Variants in C8orf34 observed in about 807,000 individuals in gnomAD.
The protein encoded by C8orf34 is chromosome 8 open reading frame 34, also known as uncharacterized protein C8orf34.
A neutral mutation model predicts 68.3 loss-of-function variants in C8orf34; 65 were observed. The ratio of observed to expected loss-of-function variants is 0.95; its 90% CI spans 0.78 to 1.17. The LOEUF (loss-of-function observed/expected upper bound fraction) is 1.17, where lower values mean the gene tolerates loss of function less well. Among genes scored for constraint, C8orf34 ranks in the 50% most tolerant of loss-of-function variants. The probability of loss-of-function intolerance (pLI) is 0.00; values close to 1 mark genes in which losing one functional copy is unlikely to be tolerated. For synonymous variants in C8orf34, 244 were observed against 241.2 expected (o/e 1.01, Z -0.11); for missense variants, 664 against 655.4 (o/e 1.01, Z -0.14).
chr8:68,679,952 A>G (rs1332363189), intron 8 of C8orf34, among the ~76,000 whole-genome samples: 1 of 152,194 alleles, frequency 6.6e-6, no homozygotes, highest in Non-Finnish European at 1.5e-5. Flanking sequence ...TGATTCAAAT[A>G]TAAGGCCTCA....
At chr8:68,497,932 G>A (rs28735510) in intron 5 of C8orf34, among the ~76,000 whole-genome samples, 56,649 of 151,896 alleles carry the variant, frequency 0.37, 10,805 homozygotes, top group African/African-American at 0.4. Flanking sequence ...GGGTTCAAGC[G>A]ATTTTCCTGC....
intron 1 of C8orf34, among the ~76,000 whole-genome samples, chr8:68,380,459 GAT>G (rs1238552969): frequency 1.3e-5 from 2 of 152,120 alleles, no homozygotes; most frequent in African/African-American, 4.8e-5. Flanking sequence ...TTTTAAAAAA[GAT>G]ATTTTTAGAG....
At chr8:68,813,709 G>T (rs1436395102) in intron 12 of C8orf34, among the ~76,000 whole-genome samples, 4 of 152,086 alleles carry the variant, frequency 2.6e-5, no homozygotes, top group Admixed American at 1.3e-4. Flanking sequence ...CTTTTTTAAG[G>T]CTCCTAACAT....
intron 10 of C8orf34, among the ~76,000 whole-genome samples, chr8:68,737,281 A>T (rs1184796345): frequency 6.6e-6 from 1 of 152,094 alleles, no homozygotes; most frequent in African/African-American, 2.4e-5. Context: ...TTCTGTCCTT[A>T]ATAGAAACCT....
chr8:68,703,791 T>A (rs374396056), intron 8 of C8orf34, among the ~76,000 whole-genome samples: 72 of 152,166 alleles, frequency 4.7e-4, no homozygotes, highest in African/African-American at 1.6e-3. Flanking sequence ...TCCTTTCATG[T>A]TTTATACTCA....
At chr8:68,610,868 T>G (rs905590265) in intron 7 of C8orf34, among the ~76,000 whole-genome samples, 2 of 148,346 alleles carry the variant, frequency 1.3e-5, no homozygotes, top group Admixed American at 6.6e-5. Context: ...TTGGTTTTTT[T>G]TTTTTTTTTT....
At chr8:68,488,987 C>T (rs1367040611) in intron 5 of C8orf34, among the ~76,000 whole-genome samples, 2 of 124,874 alleles carry the variant, frequency 1.6e-5, no homozygotes, top group East Asian at 2.3e-4. Flanking sequence ...AACGAATTTA[C>T]GTTTTTTTTT....
intron 7 of C8orf34, among the ~76,000 whole-genome samples, chr8:68,539,708 G>A (rs543829682): frequency 4.8e-4 from 73 of 152,110 alleles, no homozygotes; most frequent in African/African-American, 1.7e-3. Context: ...CAAAAAATTA[G>A]CCAGGCATGG....
intron 1 of C8orf34, among the ~76,000 whole-genome samples, chr8:68,385,335 T>C (rs540300940): frequency 3.5e-4 from 53 of 152,310 alleles, no homozygotes; most frequent in African/African-American, 1.2e-3. Context: ...CCAGTATTCA[T>C]GCTCTCAATC....
chr8:68,525,488 C>T, intron 6 of C8orf34: 1 of 640,032 alleles, frequency 1.6e-6, no homozygotes, highest in Non-Finnish European at 2.7e-6. Context: ...CCCTCTGAGG[C>T]ATTTTATTTG....
chr8:68,628,875 A>T (rs1818611673), intron 7 of C8orf34, among the ~76,000 whole-genome samples: 1 of 152,138 alleles, frequency 6.6e-6, no homozygotes, highest in Non-Finnish European at 1.5e-5. Context: ...AAATCAAAAC[A>T]CTTTTTTTGT....
chr8:68,597,726 A>G (rs1817588234), intron 7 of C8orf34, among the ~76,000 whole-genome samples: 1 of 152,106 alleles, frequency 6.6e-6, no homozygotes, highest in Admixed American at 6.6e-5. Flanking sequence ...CATGTTTCAG[A>G]TAATACTTTT....
At chr8:68,337,764 G>A (rs1221718442) in intron 1 of C8orf34, among the ~76,000 whole-genome samples, 1 of 152,114 alleles carries the variant, frequency 6.6e-6, no homozygotes, top group Non-Finnish European at 1.5e-5. Context: ...ATGTTTATAC[G>A]AGGAAATGGC....
intron 8 of C8orf34, among the ~76,000 whole-genome samples, chr8:68,661,064 C>T (rs546493934): frequency 4.9e-4 from 75 of 152,226 alleles, no homozygotes; most frequent in African/African-American, 1.6e-3. Flanking sequence ...GCATGTGGTG[C>T]GAGGAGACAG....
At chr8:68,740,480 A>G (rs1021995169) in intron 10 of C8orf34, among the ~76,000 whole-genome samples, 2 of 151,884 alleles carry the variant, frequency 1.3e-5, no homozygotes, top group African/African-American at 2.4e-5. Context: ...TAAGCATACG[A>G]AAAAAAAGCT....
chr8:68,466,743 A>ATATATATATG (rs1471659673), intron 3 of C8orf34, among the ~76,000 whole-genome samples: 3 of 45,064 alleles, frequency 6.7e-5, no homozygotes, highest in African/African-American at 1.7e-4. Context: ...TTGTACATAT[A>ATATATATATG]TATATATATA....
At chr8:68,590,068 G>T (rs1246359239) in intron 7 of C8orf34, among the ~76,000 whole-genome samples, 1 of 146,560 alleles carries the variant, frequency 6.8e-6, no homozygotes, top group African/African-American at 2.5e-5. Flanking sequence ...AACAAGAAAA[G>T]AAAGAAAGGA....
intron 7 of C8orf34, among the ~76,000 whole-genome samples, chr8:68,602,279 C>A (rs1478967787): frequency 6.6e-6 from 1 of 152,108 alleles, no homozygotes; most frequent in Non-Finnish European, 1.5e-5. Context: ...CTGCTGACAC[C>A]ATTGTTGGGG....
intron 7 of C8orf34, among the ~76,000 whole-genome samples, chr8:68,553,164 T>A (rs1816131712): frequency 6.6e-6 from 1 of 151,926 alleles, no homozygotes. Context: ...GACAGGCAGA[T>A]CATGAGGTCA....
Sources: gnomAD v4.1 joint callset for allele counts (sites outside exome capture counted in the v4.1 genomes callset) on GRCh38, gnomAD v4.1.1 for gene constraint, MANE v1.5 for transcripts, NCBI Gene and HGNC (gene_info 2026-07-23, HGNC 2026-07-21) for gene names.